Variants in NDUFAF2 observed in about 807,000 individuals in gnomAD.
The protein encoded by NDUFAF2 is NADH:ubiquinone oxidoreductase complex assembly factor 2, also known as NADH dehydrogenase [ubiquinone] 1 alpha subcomplex assembly factor 2.
Under a neutral mutation model 22.8 loss-of-function variants are expected in NDUFAF2, and 13 were observed. That is an observed-to-expected ratio of 0.57 (90% CI 0.37 to 0.91). The LOEUF (loss-of-function observed/expected upper bound fraction) is 0.91, where lower values mean the gene tolerates loss of function less well. NDUFAF2 is among the 40% of genes least tolerant of loss of function. The probability of loss-of-function intolerance (pLI) is 0.01; values close to 1 mark genes in which losing one functional copy is unlikely to be tolerated. For missense variants in NDUFAF2, 162 were observed against 195.2 expected, an observed-to-expected ratio of 0.83 and a Z score of 1.01; for synonymous variants, 53 against 64.2, an observed-to-expected ratio of 0.83 and a Z score of 0.84.
At chr5:60,952,193 T>C (rs967384410) in intron 1 of NDUFAF2, among the ~76,000 whole-genome samples, 1 of 152,044 alleles carries the variant, frequency 6.6e-6, no homozygotes, top group Non-Finnish European at 1.5e-5. Context: ...TGTAAGTTTT[T>C]TCCATTGGTT....
At chr5:61,061,172 T>C (rs1752160906) in intron 1 of NDUFAF2, among the ~76,000 whole-genome samples, 1 of 152,172 alleles carries the variant, frequency 6.6e-6, no homozygotes, top group African/African-American at 2.4e-5. Context: ...CTTTCAAATG[T>C]GTGAGAACAC....
rs868724687 is a variant in NDUFAF2 at position 61,136,052 on chromosome 5, A to G, written c.259-16652A>G. 8.0e-4 allele frequency among the ~76,000 whole-genome samples: 76 copies of G among 94,678 alleles called. 3 individuals are homozygous for G. In the Middle Eastern group the frequency reaches 0.037, roughly 46 times the overall value. The allele number at this position is 94,678 out of a possible 152,430, so 62.1% of individuals were successfully genotyped here. ...ATATATATATATATATCTAGGGTGG[A>G]TTGCTTTTTTTCTCACCAGTATCCC... is the stretch of plus-strand genomic sequence containing the variant. On this transcript the variant is annotated intron_variant, in intron 3 of 3. Transcript: ENST00000296597.
At chr5:61,038,290 C>G (rs894820697) in intron 1 of NDUFAF2, among the ~76,000 whole-genome samples, 5 of 152,026 alleles carry the variant, frequency 3.3e-5, no homozygotes, top group African/African-American at 9.7e-5. Flanking sequence ...AACATAATGC[C>G]TATTCTGCAA....
chr5:61,109,917 A>G (rs1403162347), intron 3 of NDUFAF2, among the ~76,000 whole-genome samples: 1 of 152,200 alleles, frequency 6.6e-6, no homozygotes, highest in Non-Finnish European at 1.5e-5. Flanking sequence ...AGTGTGAAAA[A>G]TGGACTAATA....
chr5:61,007,030 G>T (rs1413818193), intron 1 of NDUFAF2, among the ~76,000 whole-genome samples: 1 of 152,046 alleles, frequency 6.6e-6, no homozygotes, highest in Non-Finnish European at 1.5e-5. Context: ...TTTATCAGAT[G>T]GGTAGGTTGC....
chr5:61,047,522 A>G (rs935181796), intron 1 of NDUFAF2, among the ~76,000 whole-genome samples: 1 of 152,172 alleles, frequency 6.6e-6, no homozygotes, highest in Non-Finnish European at 1.5e-5. Context: ...CTTGAGAGGC[A>G]TTTGAGTTAG....
At chr5:61,112,673 A>G (rs1419418954) in intron 3 of NDUFAF2, among the ~76,000 whole-genome samples, 3 of 152,148 alleles carry the variant, frequency 2.0e-5, no homozygotes, top group African/African-American at 7.2e-5. Context: ...CTTGTAGACA[A>G]CAGATTGTTG....
intron 1 of NDUFAF2, among the ~76,000 whole-genome samples, chr5:60,976,856 T>C (rs749134685): frequency 1.3e-5 from 2 of 152,146 alleles, no homozygotes; most frequent in Non-Finnish European, 2.9e-5. Context: ...GATGGTATAA[T>C]AGAAGGAGAA....
At chr5:60,945,567 C>G (rs1469837636) in intron 1 of NDUFAF2, 185 bp downstream of exon 1, 3 of 896,186 alleles carry the variant, frequency 3.3e-6, no homozygotes, top group Non-Finnish European at 5.2e-6. Context: ...CTACCCGGCC[C>G]GGCTCTGGGC....
chr5:60,968,617 G>C (rs1366247151), intron 1 of NDUFAF2, among the ~76,000 whole-genome samples: 2 of 151,586 alleles, frequency 1.3e-5, no homozygotes, highest in Non-Finnish European at 2.9e-5. Flanking sequence ...TATATGTATA[G>C]GTTACATGAG....
chr5:60,985,072 G>A (rs566049501), intron 1 of NDUFAF2, among the ~76,000 whole-genome samples: 1 of 152,158 alleles, frequency 6.6e-6, no homozygotes, highest in East Asian at 1.9e-4. Context: ...CAATTTCAGA[G>A]CCTGTTATTG....
chr5:60,960,241 G>A (rs1359692664), intron 1 of NDUFAF2, among the ~76,000 whole-genome samples: 1 of 152,084 alleles, frequency 6.6e-6, no homozygotes, highest in East Asian at 1.9e-4. Context: ...TTTATATTAA[G>A]AATAGTAGTG....
intron 1 of NDUFAF2, among the ~76,000 whole-genome samples, chr5:61,056,350 G>T (rs1247851106): frequency 3.9e-5 from 6 of 152,234 alleles, no homozygotes; most frequent in African/African-American, 1.4e-4. Context: ...GAGAAATAAT[G>T]AATAAGTAGG....
intron 1 of NDUFAF2, among the ~76,000 whole-genome samples, chr5:61,071,770 T>C (rs1268696163): frequency 6.6e-6 from 1 of 152,150 alleles, no homozygotes; most frequent in Non-Finnish European, 1.5e-5. Context: ...TCACATTCCC[T>C]GGAGTAGGCA....
intron 1 of NDUFAF2, among the ~76,000 whole-genome samples, chr5:61,062,347 A>G (rs1001881504): frequency 6.6e-6 from 1 of 152,158 alleles, no homozygotes; most frequent in Non-Finnish European, 1.5e-5. Flanking sequence ...GAGAAATTCA[A>G]TATAGATAGA....
intron 1 of NDUFAF2, among the ~76,000 whole-genome samples, chr5:60,989,229 A>G (rs1357940104): frequency 6.6e-6 from 1 of 152,190 alleles, no homozygotes; most frequent in Non-Finnish European, 1.5e-5. Flanking sequence ...TATTAGTCAG[A>G]ATGGCTATTA....
At chr5:61,097,405 GT>G (rs34778934) in intron 2 of NDUFAF2, among the ~76,000 whole-genome samples, 63,588 of 151,992 alleles carry the variant, frequency 0.42, 14,158 homozygotes, top group East Asian at 0.81. Flanking sequence ...TTATAATAAA[GT>G]TTTGAATAAC....
chr5:61,053,494 A>G (rs185560298), intron 1 of NDUFAF2, among the ~76,000 whole-genome samples: 1 of 152,322 alleles, frequency 6.6e-6, no homozygotes, highest in Non-Finnish European at 1.5e-5. Flanking sequence ...TGGTCTTTAT[A>G]GCTTATGATC....
At chr5:61,058,701 G>A (rs924168974) in intron 1 of NDUFAF2, among the ~76,000 whole-genome samples, 4 of 151,658 alleles carry the variant, frequency 2.6e-5, no homozygotes, top group African/African-American at 9.7e-5. Flanking sequence ...CTGACATTTT[G>A]TTAAATGTTC....
Sources: gnomAD v4.1 joint callset for allele counts (sites outside exome capture counted in the v4.1 genomes callset) on GRCh38, gnomAD v4.1.1 for gene constraint, MANE v1.5 for transcripts, NCBI Gene and HGNC (gene_info 2026-07-23, HGNC 2026-07-21) for gene names.